CAST: variants seen among roughly 807,000 people sequenced by gnomAD.
CAST encodes the protein calpastatin, also known as MIR583 host.
In CAST, 76 loss-of-function variants were observed where a neutral mutation model predicts 119.6. The ratio of observed to expected loss-of-function variants is 0.64; its 90% CI spans 0.53 to 0.77. The LOEUF is 0.77. CAST is among the 30% of genes least tolerant of loss of function. CAST has a pLI of 0.00. For missense variants in CAST, 953 were observed against 946.5 expected, an observed-to-expected ratio of 1.01 and a Z score of -0.09; for synonymous variants, 319 against 331.6, an observed-to-expected ratio of 0.96 and a Z score of 0.41.
At chr5:96,592,828 G>A (rs1167686008) in intron 1 of CAST, among the ~76,000 whole-genome samples, 1 of 151,126 alleles carries the variant, frequency 6.6e-6, no homozygotes, top group South Asian at 2.1e-4. Flanking sequence ...GCAGTGCCGT[G>A]ATCTCTGCTC....
At chr5:96,762,138 A>G in intron 24 of CAST, 136 bp from the exon 25 acceptor site, 3 of 462,408 alleles carry the variant, frequency 6.5e-6, no homozygotes, top group Non-Finnish European at 1.2e-5. Context: ...TTTTAAAATT[A>G]TATGTTATTA....
intron 9 of CAST, among the ~76,000 whole-genome samples, chr5:96,733,754 G>T (rs1761062746): frequency 6.6e-6 from 1 of 152,214 alleles, no homozygotes; most frequent in Non-Finnish European, 1.5e-5. Flanking sequence ...GCACAGGCCT[G>T]TAATCCCAGC....
the CAST span, among the ~76,000 whole-genome samples, chr5:96,134,552 A>G: frequency 6.6e-6 from 1 of 152,206 alleles, no homozygotes; most frequent in Non-Finnish European, 1.5e-5. Flanking sequence ...GCCTGTTTGC[A>G]TGAGTCAATT....
chr5:96,599,025 T>C (rs920276372), intron 1 of CAST, among the ~76,000 whole-genome samples: 4 of 152,240 alleles, frequency 2.6e-5, no homozygotes, highest in African/African-American at 9.6e-5. Flanking sequence ...CTCCAGCTTC[T>C]GACCGTGGAT....
the CAST span, among the ~76,000 whole-genome samples, chr5:95,971,931 T>TA: frequency 2.0e-5 from 3 of 151,970 alleles, no homozygotes; most frequent in Admixed American, 1.3e-4. Flanking sequence ...TTTATGTAAA[T>TA]ATGTCTTCTT....
the CAST span, among the ~76,000 whole-genome samples, chr5:96,137,627 T>G: frequency 6.6e-6 from 1 of 152,130 alleles, no homozygotes; most frequent in Admixed American, 6.5e-5. Context: ...GAATGAGAAT[T>G]CATATTGTTT....
the CAST span, among the ~76,000 whole-genome samples, chr5:96,420,577 G>C: frequency 6.9e-6 from 1 of 144,948 alleles, no homozygotes; most frequent in African/African-American, 2.9e-5. Flanking sequence ...TTTTCCCCAA[G>C]GAAGAAATAA....
At chr5:96,573,119 G>C (rs940073945) in intron 1 of CAST, among the ~76,000 whole-genome samples, 1 of 152,136 alleles carries the variant, frequency 6.6e-6, no homozygotes, top group African/African-American at 2.4e-5. Flanking sequence ...TACCCCATAA[G>C]GTAGTTGTTT....
chr5:96,248,891 A>G, the CAST span, among the ~76,000 whole-genome samples: 1 of 152,176 alleles, frequency 6.6e-6, no homozygotes, highest in African/African-American at 2.4e-5. Flanking sequence ...ATTGCCTGTT[A>G]ATGCTTTTAA....
At chr5:96,709,436 A>C (rs184190237) in intron 3 of CAST, among the ~76,000 whole-genome samples, 2 of 152,164 alleles carry the variant, frequency 1.3e-5, no homozygotes, top group African/African-American at 4.8e-5. Flanking sequence ...CCTCCCCGTT[A>C]GGTTACTTGG....
chr5:96,503,396 T>G, the CAST span, among the ~76,000 whole-genome samples: 1 of 152,190 alleles, frequency 6.6e-6, no homozygotes, highest in South Asian at 2.1e-4. Context: ...AGCTCTGCCT[T>G]AAACCTCCCT....
the CAST span, among the ~76,000 whole-genome samples, chr5:96,120,971 C>T: frequency 3.9e-5 from 6 of 151,980 alleles, no homozygotes; most frequent in Non-Finnish European, 5.9e-5. Flanking sequence ...TTCAATACCA[C>T]GTACTTGGTG....
At chr5:96,170,872 C>T in the CAST span, among the ~76,000 whole-genome samples, 3 of 152,180 alleles carry the variant, frequency 2.0e-5, no homozygotes, top group African/African-American at 7.2e-5. Context: ...GTAAGCCAGA[C>T]TGGGTGTGAG....
chr5:96,321,512 T>C, the CAST span, among the ~76,000 whole-genome samples: 1 of 152,256 alleles, frequency 6.6e-6, no homozygotes, highest in Non-Finnish European at 1.5e-5. Context: ...TGTCTTGAAA[T>C]TTCTGACCAG....
At chr5:96,586,850 G>T (rs1191179622) in intron 1 of CAST, among the ~76,000 whole-genome samples, 1 of 152,210 alleles carries the variant, frequency 6.6e-6, no homozygotes, top group Non-Finnish European at 1.5e-5. Context: ...CTAGGTGTTA[G>T]CCAGGCACTC....
the CAST span, among the ~76,000 whole-genome samples, chr5:96,131,601 T>C: frequency 1.3e-5 from 2 of 152,150 alleles, no homozygotes; most frequent in African/African-American, 4.8e-5. Flanking sequence ...AATGAGAAGA[T>C]ATTCTCCTTG....
At chr5:96,753,552 C>A (rs1229638741) in intron 20 of CAST, among the ~76,000 whole-genome samples, 1 of 152,202 alleles carries the variant, frequency 6.6e-6, no homozygotes, top group Admixed American at 6.5e-5. Context: ...CAGGCAGAGT[C>A]ATCAGAACCA....
chr5:95,997,354 CA>C, the CAST span, among the ~76,000 whole-genome samples: 1 of 152,142 alleles, frequency 6.6e-6, no homozygotes, highest in Non-Finnish European at 1.5e-5. Flanking sequence ...CTCTGGGTGT[CA>C]GGGGCTTAAG....
At chr5:96,185,820 T>C in the CAST span, among the ~76,000 whole-genome samples, 4 of 152,228 alleles carry the variant, frequency 2.6e-5, no homozygotes, top group Non-Finnish European at 5.9e-5. Flanking sequence ...TAGGGTTGTC[T>C]TGGCTATTTG....
Sources: gnomAD v4.1 joint callset for allele counts (sites outside exome capture counted in the v4.1 genomes callset) on GRCh38, gnomAD v4.1.1 for gene constraint, MANE v1.5 for transcripts, NCBI Gene and HGNC (gene_info 2026-07-23, HGNC 2026-07-21) for gene names.